Variants in TBC1D22A observed in about 807,000 individuals in gnomAD.
TBC1D22A encodes putative GTPase activator.
In TBC1D22A, 38 loss-of-function variants were observed where a neutral mutation model predicts 60.2. The observed-to-expected ratio is 0.63, with a 90% CI of 0.49 to 0.83. The LOEUF (loss-of-function observed/expected upper bound fraction) is 0.83. Ranked by LOEUF, TBC1D22A falls within the 40% of genes least tolerant of loss-of-function variation. The pLI, the probability that TBC1D22A is intolerant of heterozygous loss-of-function variation, is 0.00. For synonymous variants in TBC1D22A, 302 were observed against 281.7 expected (o/e 1.07, Z -0.72); for missense variants, 628 against 701.0 (o/e 0.90, Z 1.18).
intron 1 of TBC1D22A, among the ~76,000 whole-genome samples, chr22:46,792,086 T>A (rs2084435824): frequency 6.6e-6 from 1 of 152,196 alleles, no homozygotes. Context: ...AAAATTATAT[T>A]TATCTTTTGC....
chr22:46,835,133 C>T (rs1434861434), intron 4 of TBC1D22A, among the ~76,000 whole-genome samples: 1 of 152,148 alleles, frequency 6.6e-6, no homozygotes, highest in Non-Finnish European at 1.5e-5. Context: ...ATTGGAAGAT[C>T]TTTCTCTTCT....
At chr22:46,846,625 A>T (rs1049762487) in intron 4 of TBC1D22A, among the ~76,000 whole-genome samples, 2 of 152,260 alleles carry the variant, frequency 1.3e-5, no homozygotes, top group African/African-American at 4.8e-5. Context: ...ATGCACAAAG[A>T]TCGAGAGAAC....
At chr22:46,993,505 A>C (rs765810855) in intron 9 of TBC1D22A, among the ~76,000 whole-genome samples, 4 of 152,242 alleles carry the variant, frequency 2.6e-5, no homozygotes, top group African/African-American at 7.2e-5. Flanking sequence ...ATAAGTGTAG[A>C]GGATTCTTGC....
intron 8 of TBC1D22A, among the ~76,000 whole-genome samples, chr22:46,924,572 C>G (rs2070939077): frequency 6.6e-6 from 1 of 152,072 alleles, no homozygotes; most frequent in Non-Finnish European, 1.5e-5. Context: ...TGGTGAAACC[C>G]CTTCTCTACT....
In TBC1D22A at chr22:47,028,974, C is replaced by G. The variant is rs759525290; in HGVS notation, c.1202-8097C>G. ...GACTCCAGCTGCACCTCAGTGGTCC[C>G]CAGGCCACCTGCACCTCTGCCCAGC... On this transcript the variant is annotated intron_variant, in intron 10 of 12. Transcript: ENST00000337137. The surrounding 1 kb of genome is among the most constrained non-coding windows in gnomAD (Gnocchi z 4.4). Among the ~76,000 whole-genome samples, 7 of 152,194 alleles carry G rather than the reference C, an allele frequency of 4.6e-5. No homozygotes were observed. Among genetic ancestry groups the G allele is most frequent in the Non-Finnish European group, 1.0e-4 (7 of 68,012 alleles).
At chr22:46,829,980 G>A (rs2086240250) in intron 4 of TBC1D22A, among the ~76,000 whole-genome samples, 1 of 152,264 alleles carries the variant, frequency 6.6e-6, no homozygotes, top group Admixed American at 6.5e-5. Flanking sequence ...ACAGGGAAAT[G>A]AGACTGGCTT....
At chr22:46,993,991 T>G (rs2075035896) in intron 9 of TBC1D22A, among the ~76,000 whole-genome samples, 1 of 152,230 alleles carries the variant, frequency 6.6e-6, no homozygotes, top group African/African-American at 2.4e-5. Context: ...AAGGCTGGCC[T>G]TCTCCGCCCC....
intron 1 of TBC1D22A, among the ~76,000 whole-genome samples, chr22:46,770,705 A>G (rs1474843808): frequency 6.6e-6 from 1 of 152,240 alleles, no homozygotes; most frequent in Non-Finnish European, 1.5e-5. Flanking sequence ...GGAACCAAAT[A>G]GAGCCCTGCC....
At chr22:47,164,731 G>T (rs576674208) in intron 12 of TBC1D22A, among the ~76,000 whole-genome samples, 30 of 152,292 alleles carry the variant, frequency 2.0e-4, no homozygotes, top group African/African-American at 7.2e-4. Flanking sequence ...AGTTCACTGG[G>T]GTCGCTCCGC....
At chr22:47,150,568 G>A (rs1275063307) in intron 12 of TBC1D22A, among the ~76,000 whole-genome samples, 2 of 152,216 alleles carry the variant, frequency 1.3e-5, no homozygotes, top group Non-Finnish European at 2.9e-5. Flanking sequence ...CTGCCGAGCC[G>A]CCTCTGCACC....
At chr22:47,139,791 C>T (rs1029309090) in intron 12 of TBC1D22A, among the ~76,000 whole-genome samples, 35 of 152,338 alleles carry the variant, frequency 2.3e-4, no homozygotes, top group Non-Finnish European at 4.6e-4. Context: ...GGAGAAGCCC[C>T]GCTCTCACTG....
chr22:46,796,893 C>T (rs974247262), intron 3 of TBC1D22A, among the ~76,000 whole-genome samples: 3 of 152,196 alleles, frequency 2.0e-5, no homozygotes, highest in African/African-American at 7.2e-5. Flanking sequence ...ACTGGTGAGA[C>T]CCAGGAGGGC....
intron 7 of TBC1D22A, among the ~76,000 whole-genome samples, chr22:46,896,856 T>C (rs1394276059): frequency 6.6e-6 from 1 of 152,156 alleles, no homozygotes; most frequent in Non-Finnish European, 1.5e-5. Flanking sequence ...GTCTTTCACT[T>C]GTTTTTTGTT....
chr22:46,936,388 C>G (rs1251849138), intron 8 of TBC1D22A, among the ~76,000 whole-genome samples: 1 of 152,182 alleles, frequency 6.6e-6, no homozygotes, highest in Non-Finnish European at 1.5e-5. Context: ...GCTCCCCGCA[C>G]AGCCTCCCTG....
chr22:46,769,673 T>C (rs2083421490), intron 1 of TBC1D22A, among the ~76,000 whole-genome samples: 1 of 152,086 alleles, frequency 6.6e-6, no homozygotes, highest in Non-Finnish European at 1.5e-5. Context: ...GCACTGGAGC[T>C]GCTTCCAAGG....
chr22:46,857,097 G>A (rs1268007479), intron 4 of TBC1D22A, among the ~76,000 whole-genome samples: 5 of 152,268 alleles, frequency 3.3e-5, no homozygotes, highest in Non-Finnish European at 7.3e-5. Flanking sequence ...TCATCATTGG[G>A]TCACAGTGTC....
intron 9 of TBC1D22A, among the ~76,000 whole-genome samples, chr22:46,982,783 G>A (rs930122325): frequency 2.6e-5 from 4 of 152,212 alleles, no homozygotes; most frequent in Non-Finnish European, 5.9e-5. Context: ...TGGCGGGACA[G>A]GCATTGGCGG....
chr22:47,048,212 T>C (rs369504578), intron 11 of TBC1D22A, among the ~76,000 whole-genome samples: 5 of 152,102 alleles, frequency 3.3e-5, no homozygotes, highest in Admixed American at 1.3e-4. Flanking sequence ...ACCCGTCTTA[T>C]GTGTGAGGTG....
intron 11 of TBC1D22A, among the ~76,000 whole-genome samples, chr22:47,105,926 C>T (rs548705337): frequency 5.9e-5 from 9 of 152,092 alleles, no homozygotes; most frequent in South Asian, 2.1e-4. Flanking sequence ...GAATTATCTG[C>T]GACATGCTAT....
Sources: allele counts gnomAD v4.1 joint callset (sites outside exome capture counted in the v4.1 genomes callset), GRCh38; gene constraint gnomAD v4.1.1; non-coding constraint Gnocchi (gnomAD v3.1); transcripts MANE v1.5; gene names NCBI Gene and HGNC (gene_info 2026-07-23, HGNC 2026-07-21).